MYO10: variants seen among roughly 807,000 people sequenced by gnomAD.
The protein encoded by MYO10 is myosin X, also known as unconventional myosin-X.
In MYO10, 133 loss-of-function variants were observed where a neutral mutation model predicts 257.3. That is an observed-to-expected ratio of 0.52 (90% CI 0.45 to 0.60). The LOEUF (loss-of-function observed/expected upper bound fraction) is 0.60. Among genes scored for constraint, MYO10 ranks in the 20% least tolerant of loss-of-function variants. The pLI, the probability that MYO10 is intolerant of heterozygous loss-of-function variation, is 0.00. For synonymous variants in MYO10, 1,104 were observed against 1,028.6 expected (o/e 1.07, Z -1.40); for missense variants, 2,399 against 2,635.7 (o/e 0.91, Z 1.97).
chr5:16,666,063 A>G lies in MYO10; in HGVS notation c.*629T>C, dbSNP rs961798146. 6 of 152,718 alleles carry G rather than the reference A, an allele frequency of 3.9e-5. No individual in the cohort carries two copies. The highest frequency in any genetic ancestry group is 9.6e-5 in the African/African-American group (4 of 41,462). 9.5% of individuals were successfully genotyped at this position (152,718 alleles called of 1,614,324 possible). ...TTTGCTTTTTAATGCTCATGAAACC[A>G]TGATTAAAGTGTTGAGTTTATGAAC... On this transcript the variant is annotated 3_prime_UTR_variant, in exon 41 of 41. Coordinates refer to ENST00000513610, the MANE Select transcript of MYO10 (RefSeq NM_012334.3).
chr5:16,779,673 TCA>T, intron 8 of MYO10, 25 bp from the exon 9 acceptor site: 1 of 1,346,612 alleles, frequency 7.4e-7, no homozygotes, highest in Admixed American at 2.0e-5. Flanking sequence ...AAACATGATG[TCA>T]CAGTTCTCCA....
At chr5:16,893,383 C>T (rs1289974161) in intron 1 of MYO10, among the ~76,000 whole-genome samples, 2 of 151,960 alleles carry the variant, frequency 1.3e-5, no homozygotes, top group African/African-American at 4.8e-5. Context: ...CCTGTAATCC[C>T]AGCACTTTTG....
In MYO10 at chr5:16,762,528, T is replaced by C. The variant is rs760765239; in HGVS notation, c.1587+17A>G. On this transcript the variant is annotated intron_variant, in intron 15 of 40. Coordinates refer to ENST00000513610, the MANE Select transcript of MYO10 (RefSeq NM_012334.3). ...GTGCTACTCCAATGTGATGAAGAAT[T>C]GCAGGTTTTGACATACCGCATGCTG... 8 of 1,570,150 alleles carry C rather than the reference T, an allele frequency of 5.1e-6. No homozygotes were observed. Among genetic ancestry groups the C allele is most frequent in the Non-Finnish European group, 7.0e-6 (8 of 1,149,682 alleles).
intron 2 of MYO10, among the ~76,000 whole-genome samples, chr5:16,864,657 A>C (rs1744192577): frequency 6.6e-6 from 1 of 152,214 alleles, no homozygotes; most frequent in Non-Finnish European, 1.5e-5. Flanking sequence ...TTCTGTGCAG[A>C]TTTGTAAACA....
intron 2 of MYO10, 140 bp downstream of exon 2, chr5:16,877,469 C>T: frequency 1.6e-6 from 1 of 634,458 alleles, no homozygotes; most frequent in Non-Finnish European, 2.8e-6. Flanking sequence ...TTCTACATTC[C>T]CACTGGGATT....
At chr5:16,896,544 G>A (rs1207991846) in intron 1 of MYO10, among the ~76,000 whole-genome samples, 2 of 152,162 alleles carry the variant, frequency 1.3e-5, no homozygotes, top group Non-Finnish European at 2.9e-5. Context: ...AGTGAGCCGA[G>A]ATCGTGCCAC....
At chr5:16,811,971 C>T (rs1200178767) in intron 3 of MYO10, among the ~76,000 whole-genome samples, 1 of 152,232 alleles carries the variant, frequency 6.6e-6, no homozygotes, top group Non-Finnish European at 1.5e-5. Flanking sequence ...CCCTGCTCCT[C>T]CTCTCCTTAG....
chr5:16,704,814 T>C, intron 21 of MYO10, 129 bp from the exon 22 acceptor site: 1 of 675,250 alleles, frequency 1.5e-6, no homozygotes, highest in Non-Finnish European at 2.6e-6. Context: ...ATGGCCATGC[T>C]TTCTAGAATA....
At chr5:16,916,745 A>G (rs1293366909) in intron 1 of MYO10, among the ~76,000 whole-genome samples, 1 of 152,190 alleles carries the variant, frequency 6.6e-6, no homozygotes. Flanking sequence ...AAGAAGAAAA[A>G]CCACACACTT....
chr5:16,837,075 C>A (rs1482182508), intron 2 of MYO10, among the ~76,000 whole-genome samples: 1 of 152,092 alleles, frequency 6.6e-6, no homozygotes, highest in Non-Finnish European at 1.5e-5. Context: ...CTTTGGGAGG[C>A]CGAGGCGGGC....
At chr5:16,763,368 A>C (rs1307223431) in intron 14 of MYO10, 113 bp downstream of exon 14, 5 of 819,730 alleles carry the variant, frequency 6.1e-6, no homozygotes, top group African/African-American at 3.4e-5. Context: ...ATTGTGTTCT[A>C]AACATTCACA....
At chr5:16,774,432 A>AT (rs978856746) in intron 9 of MYO10, among the ~76,000 whole-genome samples, 4 of 152,016 alleles carry the variant, frequency 2.6e-5, no homozygotes, top group African/African-American at 9.7e-5. Flanking sequence ...TTTTTAATTT[A>AT]TTTTTTTGAG....
At chr5:16,761,650 T>C (rs756400342) in intron 16 of MYO10, 104 bp from the exon 17 acceptor site, 65 of 854,890 alleles carry the variant, frequency 7.6e-5, no homozygotes, top group Admixed American at 2.0e-4. Flanking sequence ...TCCAAGAAAT[T>C]TATTTATTTA....
intron 2 of MYO10, among the ~76,000 whole-genome samples, chr5:16,823,067 A>G (rs558409487): frequency 2.6e-5 from 4 of 152,148 alleles, no homozygotes; most frequent in African/African-American, 7.2e-5. Context: ...TGAACTATCA[A>G]AAGTCACCTC....
intron 2 of MYO10, among the ~76,000 whole-genome samples, chr5:16,848,678 G>GGATGGAC (rs1743713728): frequency 6.6e-6 from 1 of 151,180 alleles, no homozygotes; most frequent in Non-Finnish European, 1.5e-5. Flanking sequence ...TCCCCGCTAC[G>GGATGGAC]GATGGACGGC....
intron 26 of MYO10, among the ~76,000 whole-genome samples, chr5:16,698,363 A>G (rs79219299): frequency 1.4e-3 from 216 of 152,322 alleles, no homozygotes; most frequent in Admixed American, 0.01. Context: ...CCTGTCTTAA[A>G]TAAATACCTA....
At chr5:16,739,783 A>G (rs1423374591) in intron 19 of MYO10, among the ~76,000 whole-genome samples, 1 of 152,190 alleles carries the variant, frequency 6.6e-6, no homozygotes, top group African/African-American at 2.4e-5. Context: ...CACAACAAAT[A>G]TAAAGAGGGT....
chr5:16,733,397 A>G lies in MYO10; in HGVS notation c.1929+21431T>C, dbSNP rs147847128. Among the ~76,000 whole-genome samples, 811 of 152,292 alleles carry G rather than the reference A, an allele frequency of 5.3e-3. 15 individuals are homozygous for G. Among genetic ancestry groups the G allele is most frequent in the African/African-American group, 0.019 (779 of 41,562 alleles). ...AGAAAAGAGTTACTTCTTTGATAAT[A>G]GATATAGCTGATTTATAAATATTCA... On this transcript the variant is annotated intron_variant, in intron 19 of 40. Transcript: ENST00000513610.
chr5:16,762,394 A>G, intron 15 of MYO10, 151 bp downstream of exon 15: 1 of 725,614 alleles, frequency 1.4e-6, no homozygotes, highest in Non-Finnish European at 2.2e-6. Flanking sequence ...ATTTCAATTT[A>G]GTTCTAGTAA....
Sources: gnomAD v4.1 joint callset for allele counts (sites outside exome capture counted in the v4.1 genomes callset) on GRCh38, gnomAD v4.1.1 for gene constraint, MANE v1.5 for transcripts, NCBI Gene and HGNC (gene_info 2026-07-23, HGNC 2026-07-21) for gene names.